LRRIQ1: variants seen among roughly 807,000 people sequenced by gnomAD.
LRRIQ1 encodes the protein leucine rich repeats and IQ motif containing 1.
Under a neutral mutation model 211.9 loss-of-function variants are expected in LRRIQ1, and 210 were observed. The observed-to-expected ratio is 0.99, with a 90% CI of 0.89 to 1.11. The LOEUF is 1.11. LRRIQ1 is among the 50% of genes most tolerant of loss of function. The pLI, the probability that LRRIQ1 is intolerant of heterozygous loss-of-function variation, is 0.00. For synonymous variants in LRRIQ1, 699 were observed against 650.1 expected, an observed-to-expected ratio of 1.08 and a Z score of -1.14; for missense variants, 2,136 against 1,939.5, an observed-to-expected ratio of 1.10 and a Z score of -1.90.
At chr12:85,121,601 A>C in intron 15 of LRRIQ1, 96 bp from the exon 16 acceptor site, 1 of 857,224 alleles carries the variant, frequency 1.2e-6, no homozygotes, top group Non-Finnish European at 1.6e-6. Context: ...TATATATCCT[A>C]TGCTTGTATT....
intron 18 of LRRIQ1, among the ~76,000 whole-genome samples, chr12:85,131,205 T>A (rs1888734774): frequency 1.3e-5 from 2 of 150,502 alleles, no homozygotes; most frequent in African/African-American, 4.9e-5. Context: ...AGAGTGAGAT[T>A]TTGTCTCAAA....
chr12:85,106,213 G>T (rs185504770), intron 14 of LRRIQ1, among the ~76,000 whole-genome samples: 1 of 152,208 alleles, frequency 6.6e-6, no homozygotes, highest in Non-Finnish European at 1.5e-5. Context: ...CTTACAATCT[G>T]TCACAAACTA....
chr12:85,217,414 A>G (rs1374321033), intron 24 of LRRIQ1, among the ~76,000 whole-genome samples: 3 of 145,828 alleles, frequency 2.1e-5, no homozygotes, highest in Non-Finnish European at 4.5e-5. Flanking sequence ...GTAGAATTAG[A>G]AATACATTTT....
At chr12:85,092,979 T>C (rs540133786) in intron 11 of LRRIQ1, among the ~76,000 whole-genome samples, 1 of 152,228 alleles carries the variant, frequency 6.6e-6, no homozygotes, top group South Asian at 2.1e-4. Context: ...GACAATTAGA[T>C]GAAATAGCAG....
At chr12:85,134,475 C>T (rs1888984728) in intron 18 of LRRIQ1, among the ~76,000 whole-genome samples, 1 of 151,978 alleles carries the variant, frequency 6.6e-6, no homozygotes, top group African/African-American at 2.4e-5. Flanking sequence ...CTGTTTTAGT[C>T]ACTGCTATGT....
At chr12:85,166,768 T>G (rs1891173071) in intron 24 of LRRIQ1, among the ~76,000 whole-genome samples, 1 of 152,222 alleles carries the variant, frequency 6.6e-6, no homozygotes, top group African/African-American at 2.4e-5. Context: ...GCTCATAATT[T>G]TATTCCACTG....
chr12:85,220,090 A>C (rs1290557336), intron 24 of LRRIQ1, among the ~76,000 whole-genome samples: 2 of 152,164 alleles, frequency 1.3e-5, no homozygotes, highest in African/African-American at 4.8e-5. Context: ...TATTGCCGAC[A>C]TAAGATACAT....
chr12:85,074,373 T>C (rs774072543), intron 11 of LRRIQ1, among the ~76,000 whole-genome samples: 11 of 151,982 alleles, frequency 7.2e-5, no homozygotes, highest in Non-Finnish European at 1.3e-4. Flanking sequence ...GACATAGGCA[T>C]GCAATGTGAA....
At chr12:85,036,812 T>C (rs1878164792) in intron 1 of LRRIQ1, among the ~76,000 whole-genome samples, 2 of 152,078 alleles carry the variant, frequency 1.3e-5, no homozygotes, top group South Asian at 4.1e-4. Flanking sequence ...CCCCTTTCTT[T>C]ACAGGGGTTG....
At chr12:85,037,831 A>T (rs1878343981) in intron 1 of LRRIQ1, among the ~76,000 whole-genome samples, 1 of 152,118 alleles carries the variant, frequency 6.6e-6, no homozygotes. Flanking sequence ...ATTGCAACTC[A>T]TGCATACATA....
At chr12:85,159,409 T>C (rs1007519075) in intron 23 of LRRIQ1, 1 of 152,072 alleles carries the variant, frequency 6.6e-6, no homozygotes, top group African/African-American at 2.4e-5. Flanking sequence ...ATTATGTCTG[T>C]GGTTGAGAAC....
chr12:85,066,878 A>C lies in LRRIQ1; in HGVS notation c.2675A>C (p.Tyr892Ser), dbSNP rs770465788. 2.2e-5 allele frequency: 33 copies of C among 1,518,468 alleles called. No individual in the cohort carries two copies. Among genetic ancestry groups the C allele is most frequent in the Non-Finnish European group, 2.9e-5 (32 of 1,118,704 alleles). 94.1% of individuals were successfully genotyped at this position (1,518,468 alleles called of 1,614,324 possible). A position where few individuals can be genotyped will look rare whatever the true frequency, so the allele number is the denominator to read the frequency against. Reference sequence around the variant, plus strand: ...AATATTCAGTGTCTTGAACTTTCATATAATAAAATTACTCGAATTGGTAAG... The same window carrying C: ...AATATTCAGTGTCTTGAACTTTCATCTAATAAAATTACTCGAATTGGTAAG... ...CTNIQCLELS[Y>S]NKITRIGYSF... is the part of the protein sequence containing the mutation. The change falls in exon 10 of 27, where the codon TAT becomes TCT. Residue 892 changes from tyrosine to serine, a missense_variant. Transcript: ENST00000393217.
chr12:85,163,307 AG>A (rs1890991860), intron 24 of LRRIQ1, among the ~76,000 whole-genome samples: 1 of 152,046 alleles, frequency 6.6e-6, no homozygotes, highest in Admixed American at 6.6e-5. Flanking sequence ...TTATTCCTTA[AG>A]AAAAAAAATC....
intron 15 of LRRIQ1, among the ~76,000 whole-genome samples, chr12:85,121,391 A>G (rs1887972888): frequency 6.6e-6 from 1 of 152,142 alleles, no homozygotes; most frequent in African/African-American, 2.4e-5. Flanking sequence ...TCTTTTCATA[A>G]TGCATCTTTT....
rs978208871 is a variant in LRRIQ1, at chr12:85,054,751, T to A, written c.754-796T>A. Among the ~76,000 whole-genome samples the A allele has an allele frequency of 2.0e-5, 3 of 151,764 alleles. No individual in the cohort carries two copies. The South Asian group carries it at 6.4e-4, about 32-fold the overall frequency. Reference sequence around the variant, plus strand: ...AACACTTGAAATATGAGGTTATTCCTGTTTAAATATTTTTTCTAAAATATC... The same window carrying A: ...AACACTTGAAATATGAGGTTATTCCAGTTTAAATATTTTTTCTAAAATATC... On this transcript the variant is annotated intron_variant, in intron 7 of 26. Coordinates refer to ENST00000393217, the MANE Select transcript of LRRIQ1 (RefSeq NM_001079910.2).
chr12:85,215,916 A>G (rs1305340135), intron 24 of LRRIQ1, among the ~76,000 whole-genome samples: 2 of 152,220 alleles, frequency 1.3e-5, no homozygotes, highest in African/African-American at 4.8e-5. Flanking sequence ...AAACAAAGCT[A>G]TAATATAGTG....
intron 15 of LRRIQ1, among the ~76,000 whole-genome samples, chr12:85,121,175 C>T (rs1300517509): frequency 1.3e-5 from 2 of 151,932 alleles, no homozygotes; most frequent in African/African-American, 4.8e-5. Flanking sequence ...CCTTTATAAT[C>T]CTTAGCAAGA....
chr12:85,056,289 A>G lies in LRRIQ1; in HGVS notation c.1496A>G (p.Gln499Arg). Residue 499 changes from glutamine (Q) to arginine (R), a missense_variant, in exon 8 of 27, where the codon CAA (glutamine) becomes CGA (arginine). Coordinates refer to ENST00000393217, the MANE Select transcript of LRRIQ1 (RefSeq NM_001079910.2). ...KKRCSEELVK[Q>R]ERKYENTDNK... ...CGATGTTCAGAAGAATTGGTCAAGC[A>G]AGAAAGAAAATATGAAAATACAGAT... The G allele has an allele frequency of 1.3e-6, 2 of 1,586,030 alleles. No homozygotes were observed. Among genetic ancestry groups the G allele is most frequent in the Non-Finnish European group, 1.7e-6 (2 of 1,173,004 alleles).
In LRRIQ1 at chr12:85,040,418, A is replaced by T. The variant is rs183991692; in HGVS notation, c.133-72A>T. 0.016 allele frequency: 13,270 copies of T among 812,616 alleles called. 702 individuals are homozygous for T. In the East Asian group the frequency reaches 0.17, roughly 10 times the overall value. The allele number at this position is 812,616 out of a possible 1,614,324, so 50.3% of individuals were successfully genotyped here. On this transcript the variant is annotated intron_variant, in intron 2 of 26. Coordinates refer to ENST00000393217, the MANE Select transcript of LRRIQ1 (RefSeq NM_001079910.2). Reference sequence around the variant, plus strand: ...TGGTCACATTTTTGCTGTGGAATGAAGGGTCCAAAATTTGACACATAATTT... The same window carrying T: ...TGGTCACATTTTTGCTGTGGAATGATGGGTCCAAAATTTGACACATAATTT...
Sources: allele counts gnomAD v4.1 joint callset (sites outside exome capture counted in the v4.1 genomes callset), GRCh38; gene constraint gnomAD v4.1.1; transcripts MANE v1.5; gene names NCBI Gene and HGNC (gene_info 2026-07-23, HGNC 2026-07-21).